POPDC2: variants seen among roughly 807,000 people sequenced by gnomAD.
POPDC2 encodes the protein popeye domain cAMP effector 2, also known as popeye domain-containing protein 2.
In POPDC2, 24 loss-of-function variants were observed where a neutral mutation model predicts 30.5. The observed-to-expected ratio is 0.79, with a 90% confidence interval of 0.57 to 1.11. The LOEUF (loss-of-function observed/expected upper bound fraction) is 1.11. POPDC2 is among the 50% of genes least tolerant of loss of function. POPDC2 has a pLI of 0.00. For synonymous variants in POPDC2, 185 were observed against 183.3 expected, an observed-to-expected ratio of 1.01 and a Z score of -0.07; for missense variants, 409 against 447.0, an observed-to-expected ratio of 0.91 and a Z score of 0.77.
intron 2 of POPDC2, among the ~76,000 whole-genome samples, chr3:119,653,735 C>A (rs1577171332): frequency 6.6e-6 from 1 of 152,186 alleles, no homozygotes; most frequent in Non-Finnish European, 1.5e-5. Context: ...CCTCAGCCTC[C>A]CAAAGTGCTG....
chr3:119,658,640 C>T (rs951576078), intron 1 of POPDC2, among the ~76,000 whole-genome samples: 2 of 152,236 alleles, frequency 1.3e-5, no homozygotes, highest in African/African-American at 4.8e-5. Context: ...TTTGTATTTA[C>T]ATCTATATCT....
intron 2 of POPDC2, among the ~76,000 whole-genome samples, chr3:119,653,058 ATG>A (rs1491537403): frequency 1.4e-5 from 2 of 143,430 alleles, no homozygotes; most frequent in South Asian, 2.2e-4. Context: ...ATGCGTGTGC[ATG>A]TGTGTGTGTG....
chr3:119,644,612 A>C (rs1036277918), intron 3 of POPDC2, among the ~76,000 whole-genome samples: 1 of 152,222 alleles, frequency 6.6e-6, no homozygotes, highest in African/African-American at 2.4e-5. Flanking sequence ...GACTATTTTC[A>C]GTTGGTCTTA....
At chr3:119,645,240 C>A (rs1405654394) in intron 3 of POPDC2, among the ~76,000 whole-genome samples, 1 of 152,160 alleles carries the variant, frequency 6.6e-6, no homozygotes, top group African/African-American at 2.4e-5. Context: ...GGCTTGGGGA[C>A]TGAGTTGTGA....
At position 119,648,147 on chromosome 3, in the gene POPDC2, A is replaced by C. The variant is rs1245649397; in HGVS notation, c.*15T>G. 1.3e-6 allele frequency: 2 copies of C among 1,492,462 alleles called. No individual in the cohort carries two copies. Among genetic ancestry groups the C allele is most frequent in the Non-Finnish European group, 1.8e-6 (2 of 1,117,340 alleles). 92.5% of individuals were successfully genotyped at this position (1,492,462 alleles called of 1,614,324 possible). On this transcript the variant is annotated 3_prime_UTR_variant, in exon 3 of 4. Coordinates refer to ENST00000493094, the MANE Select transcript of POPDC2 (RefSeq NM_001369919.2). ...GGATCCTGAGCCGGTGGCTGTGCCC[A>C]TGTTAGTTCTCCCTTCACCTCATGT...
chr3:119,643,806 G>C (rs186389334), intron 3 of POPDC2, among the ~76,000 whole-genome samples: 139 of 152,182 alleles, frequency 9.1e-4, no homozygotes, highest in African/African-American at 3.2e-3. Flanking sequence ...GCCCCTGCTT[G>C]AACTCTTCCA....
chr3:119,651,651 CCT>C (rs553189147), intron 2 of POPDC2, among the ~76,000 whole-genome samples: 1 of 151,986 alleles, frequency 6.6e-6, no homozygotes. Context: ...CCACCGCCCC[CCT>C]GAGACGAAGT....
At chr3:119,659,256 T>C (rs1426386320) in intron 1 of POPDC2, among the ~76,000 whole-genome samples, 2 of 152,180 alleles carry the variant, frequency 1.3e-5, no homozygotes, top group Admixed American at 1.3e-4. Flanking sequence ...TCACTTCTCT[T>C]CTCCCATTGT....
intron 3 of POPDC2, among the ~76,000 whole-genome samples, chr3:119,643,955 CT>C (rs1040026662): frequency 6.6e-6 from 1 of 152,200 alleles, no homozygotes; most frequent in African/African-American, 2.4e-5. Flanking sequence ...AATTTACATT[CT>C]TTCTAAAATT....
chr3:119,660,342 C>T lies in POPDC2; in HGVS notation c.82G>A (p.Ala28Thr), dbSNP rs764087032. 2.2e-5 allele frequency: 36 copies of T among 1,614,124 alleles called. No homozygotes were observed. In the East Asian group the frequency reaches 7.4e-4, roughly 33 times the overall value. The change falls in exon 1 of 4, where the codon GCT becomes ACT. Residue 28 changes from alanine (A) to threonine (T), a missense_variant. Transcript: ENST00000493094. ...AGGCAGTTGGCTAGGTGGTAGACAG[C>T]CCCTTCCACATCCTGCTTCCACCTA... is the stretch of plus-strand genomic sequence containing the variant. Reference protein sequence around the residue: ...CIRWKQDVEGAVYHLANCLLL... With the variant: ...CIRWKQDVEGTVYHLANCLLL...
chr3:119,660,667 T>TCCCCCCCCCCCCC (rs1553798110), upstream of POPDC2: 1 of 225,056 alleles, frequency 4.4e-6, no homozygotes, highest in Non-Finnish European at 7.9e-6. Context: ...CCCCCCTCTC[T>TCCCCCCCCCCCCC]CCTCCCCACC....
At chr3:119,644,342 T>TAAG (rs2052722701) in intron 3 of POPDC2, among the ~76,000 whole-genome samples, 1 of 152,208 alleles carries the variant, frequency 6.6e-6, no homozygotes, top group African/African-American at 2.4e-5. Context: ...TTCTAGAAGA[T>TAAG]AAGTCCCTCA....
intron 2 of POPDC2, among the ~76,000 whole-genome samples, chr3:119,650,859 T>C (rs2052799805): frequency 2.0e-5 from 3 of 152,258 alleles, no homozygotes; most frequent in Non-Finnish European, 4.4e-5. Context: ...TGTCCACAGA[T>C]GATGCAAACC....
intron 1 of POPDC2, among the ~76,000 whole-genome samples, chr3:119,655,493 G>T (rs2052869014): frequency 6.6e-6 from 1 of 152,170 alleles, no homozygotes. Context: ...GAACGTTTCT[G>T]TCATCACAGA....
Position 119,642,549 on chromosome 3 carries a change from G to C in POPDC2, c.*56C>G, listed in dbSNP as rs764835726. ...TATAACTTGAGAGTAGCTCTGGAGA[G>C]GAATTCTAGAAGCTGTGGAAAGAAA... On this transcript the variant is annotated 3_prime_UTR_variant, in exon 4 of 4. Transcript: ENST00000493094. 1 of 1,611,372 alleles carries C rather than the reference G, an allele frequency of 6.2e-7. No homozygotes were observed. The highest frequency in any genetic ancestry group is 8.5e-7 in the Non-Finnish European group (1 of 1,177,546).
upstream of POPDC2, chr3:119,660,667 T>TCCCCCCCCCCCCCCC (rs1553798110): frequency 1.3e-5 from 3 of 225,054 alleles, no homozygotes; most frequent in African/African-American, 6.8e-5. Context: ...CCCCCCTCTC[T>TCCCCCCCCCCCCCCC]CCTCCCCACC....
chr3:119,651,214 T>C (rs2052804255), intron 2 of POPDC2, among the ~76,000 whole-genome samples: 1 of 152,214 alleles, frequency 6.6e-6, no homozygotes, highest in Non-Finnish European at 1.5e-5. Context: ...GCACTGGCTC[T>C]TTCCTCTGTC....
At chr3:119,652,238 T>C (rs74673107) in intron 2 of POPDC2, among the ~76,000 whole-genome samples, 365 of 152,306 alleles carry the variant, frequency 2.4e-3, no homozygotes, top group African/African-American at 8.6e-3. Flanking sequence ...GAACACACAA[T>C]GAATTCTGAC....
intron 1 of POPDC2, among the ~76,000 whole-genome samples, chr3:119,657,342 GC>G: frequency 6.6e-6 from 1 of 152,210 alleles, no homozygotes; most frequent in African/African-American, 2.4e-5. Context: ...CTTAATGAAT[GC>G]CTAGGTATAC....
Sources: allele counts gnomAD v4.1 joint callset (sites outside exome capture counted in the v4.1 genomes callset), GRCh38; gene constraint gnomAD v4.1.1; transcripts MANE v1.5; gene names NCBI Gene and HGNC (gene_info 2026-07-23, HGNC 2026-07-21).